MEI4: variants seen among roughly 807,000 people sequenced by gnomAD.
MEI4 encodes the protein meiosis-specific protein MEI4.
Under a neutral mutation model 31.4 loss-of-function variants are expected in MEI4, and 27 were observed. The observed-to-expected ratio is 0.86, with a 90% CI of 0.63 to 1.19. The LOEUF is 1.19. Ranked by LOEUF, MEI4 falls within the 50% of genes most tolerant of loss-of-function variation. The pLI is 0.00. For missense variants in MEI4, 329 were observed against 398.9 expected, an observed-to-expected ratio of 0.82 and a Z score of 1.49; for synonymous variants, 122 against 145.4, an observed-to-expected ratio of 0.84 and a Z score of 1.16.
Position 77,923,632 on chromosome 6 carries a change from A to C in MEI4, c.*286A>C, listed in dbSNP as rs1766765889. 2 of 199,696 alleles carry C rather than the reference A, an allele frequency of 1.0e-5. No individual in the cohort carries two copies. The highest frequency in any genetic ancestry group is 3.8e-4 in the South Asian group (2 of 5,224). The allele number at this position is 199,696 out of a possible 1,614,324, so 12.4% of individuals were successfully genotyped here. Reference sequence around the variant, plus strand: ...TTAGCTCTATTATTCTGTAAAATGGACCATTAATTGTCTGTCCCTTAAAAG... The same window carrying C: ...TTAGCTCTATTATTCTGTAAAATGGCCCATTAATTGTCTGTCCCTTAAAAG... On this transcript the variant is annotated 3_prime_UTR_variant, in exon 5 of 5. Transcript: ENST00000684080.
intron 3 of MEI4, among the ~76,000 whole-genome samples, chr6:77,766,436 C>G (rs538588421): frequency 1.3e-5 from 2 of 151,806 alleles, no homozygotes; most frequent in Non-Finnish European, 2.9e-5. Flanking sequence ...TTTTTTGAGA[C>G]GGAGTCTCTC....
intron 4 of MEI4, among the ~76,000 whole-genome samples, chr6:77,835,889 AAAGG>A (rs1349623578): frequency 6.6e-6 from 1 of 152,084 alleles, no homozygotes; most frequent in African/African-American, 2.4e-5. Flanking sequence ...TGTTGATCTA[AAAGG>A]AAGGATGAAG....
At chr6:77,690,010 G>C (rs997434880) in intron 1 of MEI4, among the ~76,000 whole-genome samples, 3 of 151,976 alleles carry the variant, frequency 2.0e-5, no homozygotes, top group African/African-American at 7.2e-5. Context: ...CACACTGTTG[G>C]TTTGGAAAAG....
intron 4 of MEI4, among the ~76,000 whole-genome samples, chr6:77,875,532 G>A (rs2127726836): frequency 6.6e-6 from 1 of 152,278 alleles, no homozygotes; most frequent in South Asian, 2.1e-4. Flanking sequence ...CCTTGAAATG[G>A]ATATGTAAAC....
chr6:77,745,474 T>G (rs141673182), intron 2 of MEI4, among the ~76,000 whole-genome samples: 1 of 152,194 alleles, frequency 6.6e-6, no homozygotes, highest in Non-Finnish European at 1.5e-5. Context: ...ATAAAGCAAG[T>G]CTTGAGTAAC....
chr6:77,681,445 A>T (rs1458412), intron 1 of MEI4, among the ~76,000 whole-genome samples: 23,440 of 152,154 alleles, frequency 0.15, 1,926 homozygotes, highest in East Asian at 0.27. Flanking sequence ...AAATATTTTT[A>T]AAAAATCCAT....
chr6:77,801,567 T>C (rs954652538), intron 3 of MEI4, among the ~76,000 whole-genome samples: 1 of 152,198 alleles, frequency 6.6e-6, no homozygotes, highest in Non-Finnish European at 1.5e-5. Flanking sequence ...CTAGTTCTTT[T>C]AATTGTGATG....
At chr6:77,781,176 G>T (rs1768589068) in intron 3 of MEI4, among the ~76,000 whole-genome samples, 1 of 152,038 alleles carries the variant, frequency 6.6e-6, no homozygotes, top group African/African-American at 2.4e-5. Flanking sequence ...GGAATCATAG[G>T]TTTAAGCTAC....
intron 3 of MEI4, among the ~76,000 whole-genome samples, chr6:77,821,900 C>T (rs1769835683): frequency 6.7e-6 from 1 of 150,360 alleles, no homozygotes; most frequent in Non-Finnish European, 1.5e-5. Context: ...TTACCAGTCT[C>T]TACATTTCAC....
At chr6:77,794,173 A>G (rs545794795) in intron 3 of MEI4, among the ~76,000 whole-genome samples, 1 of 152,326 alleles carries the variant, frequency 6.6e-6, no homozygotes, top group South Asian at 2.1e-4. Context: ...AGACAAAAGA[A>G]TCTTTTATTC....
chr6:77,694,606 G>T (rs189449110), intron 2 of MEI4, among the ~76,000 whole-genome samples: 14 of 151,608 alleles, frequency 9.2e-5, no homozygotes, highest in African/African-American at 3.4e-4. Context: ...CATTTTTTAT[G>T]GCTGCATAGT....
At chr6:77,846,073 TATA>T (rs1455644356) in intron 4 of MEI4, among the ~76,000 whole-genome samples, 1 of 152,042 alleles carries the variant, frequency 6.6e-6, no homozygotes, top group Non-Finnish European at 1.5e-5. Context: ...CTCAATTTTC[TATA>T]ATAATTCTTG....
rs1426886575 is a variant in MEI4, at chr6:77,723,296, A to G, written c.232+32393A>G. 2.9e-5 allele frequency among the ~76,000 whole-genome samples: 4 copies of G among 138,022 alleles called. 1 individual carries two copies. Among genetic ancestry groups the G allele is most frequent in the Non-Finnish European group, 6.4e-5 (4 of 62,366 alleles). The allele number at this position is 138,022 out of a possible 152,430, so 90.5% of individuals were successfully genotyped here. A position where few individuals can be genotyped will look rare whatever the true frequency, so the allele number is the denominator to read the frequency against. On this transcript the variant is annotated intron_variant, in intron 2 of 4. Coordinates refer to ENST00000684080, the MANE Select transcript of MEI4 (RefSeq NM_001322247.2). ...GCACTGCCACTTGTGGCGGGGGACAATTGTTGTATTGTGGTAACTGGCTTA... is the reference window on the plus strand; with the variant it reads ...GCACTGCCACTTGTGGCGGGGGACAGTTGTTGTATTGTGGTAACTGGCTTA...
chr6:77,807,680 C>T (rs1769473282), intron 3 of MEI4, among the ~76,000 whole-genome samples: 1 of 152,080 alleles, frequency 6.6e-6, no homozygotes, highest in South Asian at 2.1e-4. Flanking sequence ...TTGAACAGTG[C>T]TTGTCATAGA....
chr6:77,852,816 T>TTA (rs1770660310), intron 4 of MEI4, among the ~76,000 whole-genome samples: 1 of 152,120 alleles, frequency 6.6e-6, no homozygotes, highest in Non-Finnish European at 1.5e-5. Context: ...TTCCATCACA[T>TTA]TATTAAGTTT....
intron 4 of MEI4, among the ~76,000 whole-genome samples, chr6:77,914,735 G>T (rs1283483346): frequency 6.6e-6 from 1 of 151,964 alleles, no homozygotes; most frequent in East Asian, 1.9e-4. Flanking sequence ...AATAATATTT[G>T]CTTTGTATAT....
Position 77,773,324 on chromosome 6 carries a change from A to G in MEI4, c.768+11659A>G, listed in dbSNP as rs570518840. On this transcript the variant is annotated intron_variant, in intron 3 of 4. Transcript: ENST00000684080. ...GTCATCAAAATAGTGTTGTACTGAC[A>G]TAGAAACAGACATACAAATCAATGG... Among the ~76,000 whole-genome samples, 36 of 152,168 alleles carry G rather than the reference A, an allele frequency of 2.4e-4. 1 individual carries two copies. The highest frequency in any genetic ancestry group is 8.4e-4 in the African/African-American group (35 of 41,570).
chr6:77,821,140 T>G (rs558796866), intron 3 of MEI4, among the ~76,000 whole-genome samples: 1 of 152,252 alleles, frequency 6.6e-6, no homozygotes, highest in African/African-American at 2.4e-5. Context: ...TCTTTCTTTT[T>G]TGGTATTTTT....
At chr6:77,694,408 C>A (rs9448153) in intron 2 of MEI4, among the ~76,000 whole-genome samples, 1 of 151,194 alleles carries the variant, frequency 6.6e-6, no homozygotes, top group Non-Finnish European at 1.5e-5. Context: ...GCTATCCCTC[C>A]CCCTTCCCCC....
Sources: gnomAD v4.1 joint callset for allele counts (sites outside exome capture counted in the v4.1 genomes callset) on GRCh38, gnomAD v4.1.1 for gene constraint, MANE v1.5 for transcripts, NCBI Gene and HGNC (gene_info 2026-07-23, HGNC 2026-07-21) for gene names.